ZFP37: variants seen among roughly 807,000 people sequenced by gnomAD.
The protein encoded by ZFP37 is zinc finger protein 37 homolog.
A neutral mutation model predicts 52.1 loss-of-function variants in ZFP37; 38 were observed. The ratio of observed to expected loss-of-function variants is 0.73; its 90% CI spans 0.56 to 0.96. The LOEUF is 0.96. Ranked by LOEUF, ZFP37 falls within the 40% of genes least tolerant of loss-of-function variation. ZFP37 has a pLI of 0.00. For missense variants in ZFP37, 695 were observed against 741.4 expected (o/e 0.94, Z 0.73); for synonymous variants, 253 against 259.5 (o/e 0.98, Z 0.24).
intron 3 of ZFP37, among the ~76,000 whole-genome samples, chr9:113,045,113 G>A (rs1828928140): frequency 6.6e-6 from 1 of 152,006 alleles, no homozygotes; most frequent in African/African-American, 2.4e-5. Flanking sequence ...ATCCAAAAAA[G>A]CCAGAAAAGA....
chr9:113,054,416 G>A (rs1199429606), intron 1 of ZFP37, among the ~76,000 whole-genome samples: 2 of 152,184 alleles, frequency 1.3e-5, no homozygotes, highest in South Asian at 2.1e-4. Flanking sequence ...CTTCCTAGGT[G>A]ACCCGAGCCA....
Position 113,043,493 on chromosome 9 carries a change from C to A in ZFP37, c.1125G>T (p.Lys375Asn), listed in dbSNP as rs368432227. ...TDHLRIHTGE[K>N]PYECAECGKT... ...TCCCACATTCAGCACATTCATAGGGCTTTTCTCCAGTATGAATTCTTAGAT... is the reference window on the plus strand; with the variant it reads ...TCCCACATTCAGCACATTCATAGGGATTTTCTCCAGTATGAATTCTTAGAT... The change falls in exon 4 of 4, where the codon AAG (lysine) becomes AAT (asparagine). Residue 375 changes from lysine to asparagine, a missense_variant. Around this residue, in one of 2 missense-constraint regions of ZFP37, gnomAD observed 326 missense variants for 400.5 expected, o/e 0.81. Transcript: ENST00000374227. 3.1e-6 allele frequency: 5 copies of A among 1,613,902 alleles called. No homozygotes were observed. The African/African-American group carries it at 5.3e-5, about 17-fold the overall frequency.
intron 3 of ZFP37, among the ~76,000 whole-genome samples, chr9:113,047,619 G>T (rs1030938060): frequency 3.9e-5 from 6 of 152,002 alleles, no homozygotes; most frequent in African/African-American, 1.5e-4. Flanking sequence ...GGAAAAAAAT[G>T]GATTTAGCAA....
intron 3 of ZFP37, among the ~76,000 whole-genome samples, chr9:113,048,061 A>C (rs1828989991): frequency 6.6e-6 from 1 of 152,262 alleles, no homozygotes; most frequent in African/African-American, 2.4e-5. Context: ...ATGATAAAGA[A>C]GCACTTAGAA....
rs181766091 is a variant in ZFP37 at position 113,044,890 on chromosome 9, G to A, written c.350-622C>T. Among the ~76,000 whole-genome samples the A allele has an allele frequency of 7.4e-4, 113 of 151,960 alleles. 1 individual carries two copies. The highest frequency in any genetic ancestry group is 3.4e-3 in the Middle Eastern group (1 of 294). ...TCAAAGTATGAACCATCCACACACC[G>A]AGAAGCAGAGACATAAGAACTGCGT... On this transcript the variant is annotated intron_variant, in intron 3 of 3. Coordinates refer to ENST00000374227, the MANE Select transcript of ZFP37 (RefSeq NM_003408.3).
At chr9:113,051,223 C>T (rs571398681) in intron 1 of ZFP37, among the ~76,000 whole-genome samples, 1 of 152,084 alleles carries the variant, frequency 6.6e-6, no homozygotes, top group South Asian at 2.1e-4. Context: ...TGAAAGTATC[C>T]TTAAAATCAA....
chr9:113,048,068 A>G (rs1828990052), intron 3 of ZFP37, among the ~76,000 whole-genome samples: 1 of 152,268 alleles, frequency 6.6e-6, no homozygotes, highest in South Asian at 2.1e-4. Flanking sequence ...AGAAGCACTT[A>G]GAAGATAAGA....
Position 113,043,196 on chromosome 9 carries a change from T to C in ZFP37, c.1422A>G (p.Ser474=). The C allele has an allele frequency of 6.2e-7, 1 of 1,613,810 alleles. No individual in the cohort carries two copies. Among genetic ancestry groups the C allele is most frequent in the Non-Finnish European group, 8.5e-7 (1 of 1,179,922 alleles). ...NECGKAFSKK[S]HLIIHQRTHT... ...GAGTTCTTTGATGTATAATGAGGTG[T>C]GACTTCTTGCTGAAAGCTTTCCCAC... Residue 474 remains serine, a synonymous_variant, in exon 4 of 4, where the codon TCA becomes TCG. Transcript: ENST00000374227.
At position 113,042,577 on chromosome 9, in the gene ZFP37, G is replaced by T; in HGVS notation, c.*148C>A. The T allele has an allele frequency of 1.7e-6, 1 of 599,048 alleles. No individual in the cohort carries two copies. The highest frequency in any genetic ancestry group is 2.7e-6 in the Non-Finnish European group (1 of 368,928). 37.1% of individuals were successfully genotyped at this position (599,048 alleles called of 1,614,324 possible). The stretch of plus-strand genomic sequence containing the variant: ...GTTTAAACCCTTGTTTCCATCCACT[G>T]ATTCTATATGAAGATCCATTTTCAA... On this transcript the variant is annotated 3_prime_UTR_variant, in exon 4 of 4. Transcript: ENST00000374227.
rs1829077101 is a variant in ZFP37, at chr9:113,052,670, G to A, written c.133-2798C>T. ...TCATTAGAGACCAGTACTGCCTAGG[G>A]GTTTCACTGGGGGCTGGTCAAGTAG... is the stretch of plus-strand genomic sequence containing the variant. On this transcript the variant is annotated intron_variant, in intron 1 of 3. Coordinates refer to ENST00000374227, the MANE Select transcript of ZFP37 (RefSeq NM_003408.3). This position sits in a 1 kb window ranked among gnomAD's most constrained non-coding sequence, Gnocchi z 4.1. 1.3e-5 allele frequency among the ~76,000 whole-genome samples: 2 copies of A among 152,070 alleles called. No individual in the cohort carries two copies. Among genetic ancestry groups the A allele is most frequent in the South Asian group, 2.1e-4 (1 of 4,826 alleles).
chr9:113,041,478 T>G lies in ZFP37; in HGVS notation c.*1247A>C, dbSNP rs1828845681. 1.3e-5 allele frequency: 2 copies of G among 152,202 alleles called. No individual in the cohort carries two copies. Among genetic ancestry groups the G allele is most frequent in the Non-Finnish European group, 2.9e-5 (2 of 68,042 alleles). The allele number at this position is 152,202 out of a possible 1,614,324, so 9.4% of individuals were successfully genotyped here. A position where few individuals can be genotyped will look rare whatever the true frequency, so the allele number is the denominator to read the frequency against. On this transcript the variant is annotated 3_prime_UTR_variant, in exon 4 of 4. Coordinates refer to ENST00000374227, the MANE Select transcript of ZFP37 (RefSeq NM_003408.3). Reference sequence around the variant, plus strand: ...GAATTCCCTGATTGAGGTGTTTGTGTGTTAGTTCTTTGAATATGAGATAAA... The same window carrying G: ...GAATTCCCTGATTGAGGTGTTTGTGGGTTAGTTCTTTGAATATGAGATAAA...
At chr9:113,051,775 G>A (rs1472173956) in intron 1 of ZFP37, among the ~76,000 whole-genome samples, 1 of 152,038 alleles carries the variant, frequency 6.6e-6, no homozygotes, top group African/African-American at 2.4e-5. Flanking sequence ...TCAATTACCT[G>A]CAAAAGTCAT....
At chr9:113,055,345 T>C (rs1202178223) in intron 1 of ZFP37, among the ~76,000 whole-genome samples, 1 of 152,226 alleles carries the variant, frequency 6.6e-6, no homozygotes, top group Non-Finnish European at 1.5e-5. Flanking sequence ...CCATCCTCTT[T>C]TACTTACTTC....
At chr9:113,049,992 T>G in intron 1 of ZFP37, 120 bp from the exon 2 acceptor site, 1 of 1,488,362 alleles carries the variant, frequency 6.7e-7, no homozygotes, top group Non-Finnish European at 9.1e-7. Flanking sequence ...AATAATTTGT[T>G]CTTACCTTGA....
intron 1 of ZFP37, among the ~76,000 whole-genome samples, chr9:113,051,201 G>T (rs949267761): frequency 1.3e-5 from 2 of 152,204 alleles, no homozygotes; most frequent in Admixed American, 6.5e-5. Flanking sequence ...TAATGTGCTT[G>T]TACAACTGTT....
At chr9:113,051,828 T>A (rs1330039278) in intron 1 of ZFP37, among the ~76,000 whole-genome samples, 1 of 152,124 alleles carries the variant, frequency 6.6e-6, no homozygotes, top group Non-Finnish European at 1.5e-5. Flanking sequence ...TACCAATAAT[T>A]TCCCATCATT....
Position 113,042,500 on chromosome 9 carries a change from TATA to T in ZFP37, c.*222_*224del. 1 of 396,426 alleles carries T rather than the reference TATA, an allele frequency of 2.5e-6. No homozygotes were observed. Among genetic ancestry groups the T allele is most frequent in the Middle Eastern group, 6.8e-4 (1 of 1,480 alleles). The allele number at this position is 396,426 out of a possible 1,614,324, so 24.6% of individuals were successfully genotyped here. ...TTTCAATCTGAACATGTAGATCATT[TATA>T]ATAATTGAGTAGTTAAAACAATATT... On this transcript the variant is annotated 3_prime_UTR_variant, in exon 4 of 4. Coordinates refer to ENST00000374227, the MANE Select transcript of ZFP37 (RefSeq NM_003408.3).
intron 3 of ZFP37, 89 bp from the exon 4 acceptor site, chr9:113,044,357 G>T: frequency 8.0e-7 from 1 of 1,245,022 alleles, no homozygotes; most frequent in Non-Finnish European, 1.1e-6. Flanking sequence ...CTGTTGTAGG[G>T]TTAAATTTTT....
intron 1 of ZFP37, among the ~76,000 whole-genome samples, chr9:113,053,275 C>G (rs748069608): frequency 5.3e-5 from 8 of 152,226 alleles, no homozygotes; most frequent in Non-Finnish European, 1.2e-4. Context: ...CCTAGCCTTT[C>G]TTTCTTGTTC....
Sources: gnomAD v4.1 joint callset for allele counts (sites outside exome capture counted in the v4.1 genomes callset) on GRCh38, gnomAD v4.1.1 for gene constraint, gnomAD v4.1.1 regional missense constraint, Gnocchi (gnomAD v3.1) non-coding constraint, MANE v1.5 for transcripts, NCBI Gene and HGNC (gene_info 2026-07-23, HGNC 2026-07-21) for gene names.